Variants in DENND2B observed in about 807,000 individuals in gnomAD.
DENND2B encodes the protein DENN domain containing 2B.
In DENND2B, 32 loss-of-function variants were observed where a neutral mutation model predicts 116.0. The observed-to-expected ratio is 0.28, with a 90% confidence interval of 0.21 to 0.37. The LOEUF (loss-of-function observed/expected upper bound fraction) is 0.37, where lower values mean the gene tolerates loss of function less well. Among genes scored for constraint, DENND2B ranks in the 10% least tolerant of loss-of-function variants. The probability of loss-of-function intolerance (pLI) is 1.00; values close to 1 mark genes in which losing one functional copy is unlikely to be tolerated. For missense variants in DENND2B, 1,276 were observed against 1,477.7 expected (o/e 0.86, Z 2.24); for synonymous variants, 588 against 583.9 (o/e 1.01, Z -0.10).
At chr11:8,861,037 G>A (rs1173278952) in intron 2 of DENND2B, among the ~76,000 whole-genome samples, 3 of 87,750 alleles carry the variant, frequency 3.4e-5, no homozygotes, top group Admixed American at 1.2e-4. Flanking sequence ...AAATTAACTC[G>A]AGATGGATCA....
At chr11:8,880,568 C>T (rs1199733580) in intron 2 of DENND2B, among the ~76,000 whole-genome samples, 3 of 152,152 alleles carry the variant, frequency 2.0e-5, no homozygotes, top group African/African-American at 7.2e-5. Context: ...CTAAAGCTGC[C>T]TGACAGAAAA....
rs776205843 is a variant in DENND2B, at chr11:8,731,077, G to T, written c.213C>A (p.His71Gln). 6.0e-5 allele frequency: 96 copies of T among 1,612,964 alleles called. No homozygotes were observed. Among genetic ancestry groups the T allele is most frequent in the Non-Finnish European group, 7.2e-5 (85 of 1,179,260 alleles). The change falls in exon 3 of 20, where the codon CAC becomes CAA. Residue 71 changes from histidine (H) to glutamine (Q), a missense_variant. By Grantham distance (24) the His-to-Gln change is conservative. Coordinates refer to ENST00000313726, the MANE Select transcript of DENND2B (RefSeq NM_213618.2). Reference sequence around the variant, plus strand: ...GATTCTGGGGTGAAGGAGCTGGGGGGTGCCGGTCCTTGAGGAGCACCCGGG... The same window carrying T: ...GATTCTGGGGTGAAGGAGCTGGGGGTTGCCGGTCCTTGAGGAGCACCCGGG... Reference protein sequence around the residue: ...SSSRVLLKDRHPPAPSPQNPQ... With the variant: ...SSSRVLLKDRQPPAPSPQNPQ...
At chr11:8,738,961 T>A (rs910243458) in intron 2 of DENND2B, among the ~76,000 whole-genome samples, 3 of 152,188 alleles carry the variant, frequency 2.0e-5, no homozygotes, top group Admixed American at 6.5e-5. Flanking sequence ...TGTGATGGCA[T>A]GTATAACACT....
At chr11:8,782,682 C>G (rs1468250229) in intron 1 of DENND2B, among the ~76,000 whole-genome samples, 2 of 151,962 alleles carry the variant, frequency 1.3e-5, no homozygotes, top group Non-Finnish European at 2.9e-5. Flanking sequence ...GTCAGGAGAT[C>G]AAGATCATCC....
intron 2 of DENND2B, among the ~76,000 whole-genome samples, chr11:8,862,335 T>C (rs1254632921): frequency 2.9e-5 from 4 of 136,946 alleles, no homozygotes; most frequent in African/African-American, 1.1e-4. Context: ...TTTTTTTTTT[T>C]TTTTTTTTTT....
chr11:8,845,176 T>G (rs1174830608), intron 3 of DENND2B: 2 of 152,208 alleles, frequency 1.3e-5, no homozygotes, highest in Non-Finnish European at 2.9e-5. Flanking sequence ...AAAAGTAAAA[T>G]TTTATTCAAA....
intron 1 of DENND2B, among the ~76,000 whole-genome samples, chr11:8,898,187 C>T (rs2064125669): frequency 6.6e-6 from 1 of 152,112 alleles, no homozygotes; most frequent in Non-Finnish European, 1.5e-5. Context: ...TATTAGCTGA[C>T]CACTAGCTAT....
At chr11:8,833,808 C>T (rs957988697) in intron 4 of DENND2B, among the ~76,000 whole-genome samples, 2 of 152,152 alleles carry the variant, frequency 1.3e-5, no homozygotes, top group Non-Finnish European at 2.9e-5. Flanking sequence ...ATGTCTGTCT[C>T]CCAGCCCCTA....
At chr11:8,781,086 G>T (rs1032048543) in intron 1 of DENND2B, among the ~76,000 whole-genome samples, 1 of 152,182 alleles carries the variant, frequency 6.6e-6, no homozygotes, top group African/African-American at 2.4e-5. Flanking sequence ...AAAGCCAAAG[G>T]TACCCGAAGA....
chr11:8,718,354 C>T, intron 4 of DENND2B: 1 of 1,535,082 alleles, frequency 6.5e-7, no homozygotes, highest in Non-Finnish European at 8.7e-7. Context: ...TCCCTGGGGA[C>T]CTACTTTGGA....
intron 1 of DENND2B, chr11:8,757,033 T>C (rs765276699): frequency 1.1e-5 from 5 of 456,134 alleles, no homozygotes; most frequent in South Asian, 4.6e-5. Context: ...GAGAAAGGAA[T>C]AGAATAAGGT....
At chr11:8,764,706 C>T (rs1026096260) in intron 1 of DENND2B, among the ~76,000 whole-genome samples, 4 of 152,134 alleles carry the variant, frequency 2.6e-5, no homozygotes, top group South Asian at 4.1e-4. Flanking sequence ...TGGTGGCTCA[C>T]GCCTGTAATT....
intron 3 of DENND2B, among the ~76,000 whole-genome samples, chr11:8,853,673 T>C (rs1294136849): frequency 5.9e-5 from 9 of 152,182 alleles, no homozygotes; most frequent in African/African-American, 1.9e-4. Context: ...AAAAATAAGA[T>C]AGAATAAAAA....
chr11:8,842,828 A>T (rs1042690083), intron 3 of DENND2B, among the ~76,000 whole-genome samples: 1 of 152,196 alleles, frequency 6.6e-6, no homozygotes, highest in Non-Finnish European at 1.5e-5. Context: ...ACCTTTCCTG[A>T]GACCAAAGAG....
intron 1 of DENND2B, among the ~76,000 whole-genome samples, chr11:8,793,089 G>A (rs1385937467): frequency 6.6e-6 from 1 of 152,196 alleles, no homozygotes; most frequent in Non-Finnish European, 1.5e-5. Flanking sequence ...CTGAAGAAAT[G>A]CAATGCTGCT....
At chr11:8,817,059 G>A (rs966446929) in intron 4 of DENND2B, among the ~76,000 whole-genome samples, 26 of 152,196 alleles carry the variant, frequency 1.7e-4, no homozygotes, top group Non-Finnish European at 1.9e-4. Flanking sequence ...AAGGAGGGCT[G>A]GACAGAGAAG....
intron 1 of DENND2B, among the ~76,000 whole-genome samples, chr11:8,807,137 T>C (rs895570568): frequency 6.6e-6 from 1 of 152,124 alleles, no homozygotes; most frequent in African/African-American, 2.4e-5. Context: ...GCCTCAACTA[T>C]GTGTTCCCCG....
chr11:8,722,566 G>A (rs1250755975), intron 4 of DENND2B, among the ~76,000 whole-genome samples: 5 of 152,170 alleles, frequency 3.3e-5, no homozygotes, highest in African/African-American at 1.2e-4. Flanking sequence ...AGCCTTGTGG[G>A]GAGCTCCAAA....
intron 2 of DENND2B, among the ~76,000 whole-genome samples, chr11:8,869,895 C>A (rs971739100): frequency 2.0e-5 from 3 of 151,372 alleles, no homozygotes; most frequent in African/African-American, 7.3e-5. Flanking sequence ...TTCTGGACCC[C>A]AGATTACGTC....
Sources: gnomAD v4.1 joint callset for allele counts (sites outside exome capture counted in the v4.1 genomes callset) on GRCh38, gnomAD v4.1.1 for gene constraint, MANE v1.5 for transcripts, NCBI Gene and HGNC (gene_info 2026-07-23, HGNC 2026-07-21) for gene names.